GRIP1: variants seen among roughly 807,000 people sequenced by gnomAD.
The protein encoded by GRIP1 is glutamate receptor-interacting protein 1.
Under a neutral mutation model 129.9 loss-of-function variants are expected in GRIP1, and 45 were observed. The ratio of observed to expected loss-of-function variants is 0.35; its 90% CI spans 0.27 to 0.44. The LOEUF is 0.44. GRIP1 is among the 20% of genes least tolerant of loss of function. GRIP1 has a pLI of 1.00. For synonymous variants in GRIP1, 530 were observed against 520.8 expected (o/e 1.02, Z -0.24); for missense variants, 1,196 against 1,396.8 (o/e 0.86, Z 2.29).
chr12:66,661,509 T>G (rs2033508581), intron 1 of GRIP1, among the ~76,000 whole-genome samples: 1 of 150,760 alleles, frequency 6.6e-6, no homozygotes, highest in Non-Finnish European at 1.5e-5. Context: ...TAAACCATAC[T>G]TACTACTATT....
intron 1 of GRIP1, among the ~76,000 whole-genome samples, chr12:66,598,423 C>A (rs2064140876): frequency 6.6e-6 from 1 of 152,178 alleles, no homozygotes; most frequent in Non-Finnish European, 1.5e-5. Context: ...CTTTCAGATA[C>A]CAATTCAATC....
chr12:66,681,607 C>CT (rs2034586858), upstream of GRIP1, among the ~76,000 whole-genome samples: 1 of 152,158 alleles, frequency 6.6e-6, no homozygotes, highest in South Asian at 2.1e-4. Context: ...GGTGGCTCAG[C>CT]TGTCTAGACA....
At chr12:66,668,649 G>A (rs1366408852) in intron 1 of GRIP1, among the ~76,000 whole-genome samples, 1 of 152,124 alleles carries the variant, frequency 6.6e-6, no homozygotes, top group Non-Finnish European at 1.5e-5. Flanking sequence ...CCGAGTGCAG[G>A]AATAGCTCAC....
At chr12:66,698,026 CG>C (rs1229499631) in intron 1 of GRIP1, among the ~76,000 whole-genome samples, 1 of 152,060 alleles carries the variant, frequency 6.6e-6, no homozygotes, top group African/African-American at 2.4e-5. Flanking sequence ...AAAAGAATTA[CG>C]GTTACAGTAT....
In GRIP1 at chr12:66,464,159, G is replaced by A. The variant is rs545099603; in HGVS notation, c.873-1066C>T. Among the ~76,000 whole-genome samples the A allele has an allele frequency of 5.8e-4, 88 of 152,148 alleles. 1 individual carries two copies. Among genetic ancestry groups the A allele is most frequent in the Non-Finnish European group, 1.0e-3 (68 of 68,032 alleles). On this transcript the variant is annotated intron_variant, in intron 8 of 24. Coordinates refer to ENST00000359742, the MANE Select transcript of GRIP1 (RefSeq NM_001366722.1). ...TAAATTCCCAGTGTGAATAGTCTAC[G>A]TCTCAAGACAAAAGCATTTCAAGTC...
chr12:66,446,382 C>T (rs1304127363), intron 11 of GRIP1, among the ~76,000 whole-genome samples: 1 of 152,076 alleles, frequency 6.6e-6, no homozygotes, highest in Non-Finnish European at 1.5e-5. Context: ...TCCTATGCTG[C>T]ACTGAGTCTT....
At chr12:66,692,235 C>A (rs1407272923) in intron 1 of GRIP1, among the ~76,000 whole-genome samples, 1 of 152,184 alleles carries the variant, frequency 6.6e-6, no homozygotes, top group Admixed American at 6.6e-5. Flanking sequence ...GTTGCAGCTG[C>A]AGATTAAAGT....
chr12:66,911,495 A>G (rs2041028434), intron 1 of GRIP1, among the ~76,000 whole-genome samples: 1 of 152,096 alleles, frequency 6.6e-6, no homozygotes, highest in East Asian at 1.9e-4. Flanking sequence ...TATAATTATT[A>G]TATCATGGCT....
intron 1 of GRIP1, among the ~76,000 whole-genome samples, chr12:66,684,280 G>A (rs1261062347): frequency 6.6e-6 from 1 of 152,194 alleles, no homozygotes; most frequent in African/African-American, 2.4e-5. Flanking sequence ...AGGTGGAATT[G>A]GGATTAACAA....
intron 14 of GRIP1, among the ~76,000 whole-genome samples, chr12:66,421,420 T>G (rs2137841027): frequency 1.3e-5 from 2 of 152,290 alleles, no homozygotes; most frequent in East Asian, 3.9e-4. Flanking sequence ...GGCACATGCC[T>G]GTAGTTCCAG....
At chr12:66,626,358 T>C (rs2030045157) in intron 1 of GRIP1, among the ~76,000 whole-genome samples, 1 of 150,902 alleles carries the variant, frequency 6.6e-6, no homozygotes, top group African/African-American at 2.4e-5. Flanking sequence ...AAAAAGTATA[T>C]TTACTTTTAA....
chr12:66,565,478 T>C (rs1432902194), intron 2 of GRIP1, among the ~76,000 whole-genome samples: 1 of 152,208 alleles, frequency 6.6e-6, no homozygotes, highest in African/African-American at 2.4e-5. Context: ...GTTCCATTGG[T>C]CTATATCTCT....
chr12:66,872,330 C>T (rs1318926958), intron 1 of GRIP1, among the ~76,000 whole-genome samples: 1 of 152,044 alleles, frequency 6.6e-6, no homozygotes. Flanking sequence ...GGCAACAGCA[C>T]AGGTTGCAGT....
intron 1 of GRIP1, among the ~76,000 whole-genome samples, chr12:66,846,407 T>C (rs977843689): frequency 1.3e-5 from 2 of 152,194 alleles, no homozygotes; most frequent in South Asian, 4.1e-4. Context: ...ACATTTCTCT[T>C]ATCCCCAGTA....
chr12:66,846,716 A>C (rs1243380984), intron 1 of GRIP1, among the ~76,000 whole-genome samples: 1 of 152,204 alleles, frequency 6.6e-6, no homozygotes, highest in Admixed American at 6.5e-5. Flanking sequence ...CTACCTCAAT[A>C]ACATTGTAGT....
At position 66,596,962 on chromosome 12, in the gene GRIP1, C is replaced by T. The variant is rs757102536; in HGVS notation, c.56-35G>A. 7 of 1,380,664 alleles carry T rather than the reference C, an allele frequency of 5.1e-6. No individual in the cohort carries two copies. The Admixed American group carries it at 1.2e-4, about 23-fold the overall frequency. 85.5% of individuals were successfully genotyped at this position (1,380,664 alleles called of 1,614,324 possible). On this transcript the variant is annotated intron_variant, in intron 1 of 24. Coordinates refer to ENST00000359742, the MANE Select transcript of GRIP1 (RefSeq NM_001366722.1). ...TACAATGAAGCGTTTGGTTAATTTC[C>T]ATCCAGTTTCTAATGCAGTGAAGAT...
intron 1 of GRIP1, among the ~76,000 whole-genome samples, chr12:66,799,751 A>G (rs1566028659): frequency 6.6e-6 from 1 of 152,192 alleles, no homozygotes; most frequent in Non-Finnish European, 1.5e-5. Flanking sequence ...ATTAGACGTC[A>G]GTTTCCTGAA....
intron 1 of GRIP1, among the ~76,000 whole-genome samples, chr12:67,052,804 G>A (rs539659082): frequency 6.6e-6 from 1 of 151,768 alleles, no homozygotes; most frequent in East Asian, 1.9e-4. Flanking sequence ...GAGGGAGGGA[G>A]GAAGGAAATC....
chr12:66,485,040 T>C (rs1240292062), intron 7 of GRIP1, among the ~76,000 whole-genome samples: 3 of 152,214 alleles, frequency 2.0e-5, no homozygotes, highest in Non-Finnish European at 4.4e-5. Flanking sequence ...GTAGGAACCA[T>C]AACTAGGTTT....
Sources: gnomAD v4.1 joint callset for allele counts (sites outside exome capture counted in the v4.1 genomes callset) on GRCh38, gnomAD v4.1.1 for gene constraint, MANE v1.5 for transcripts, NCBI Gene and HGNC (gene_info 2026-07-23, HGNC 2026-07-21) for gene names.